NR3C2: variants seen among roughly 807,000 people sequenced by gnomAD.
NR3C2 encodes mineralocorticoid receptor.
In NR3C2, 15 loss-of-function variants were observed where a neutral mutation model predicts 86.4. The ratio of observed to expected loss-of-function variants is 0.17; its 90% confidence interval spans 0.12 to 0.27. The LOEUF is 0.27. NR3C2 is among the 10% of genes least tolerant of loss of function. The pLI, the probability that NR3C2 is intolerant of heterozygous loss-of-function variation, is 1.00. For missense variants in NR3C2, 960 were observed against 1,195.6 expected (o/e 0.80, Z 2.91); for synonymous variants, 458 against 450.5 (o/e 1.02, Z -0.21).
Position 148,080,856 on chromosome 4 carries a change from T to G in NR3C2, c.*488A>C. On this transcript the variant is annotated 3_prime_UTR_variant, in exon 9 of 9. Coordinates refer to ENST00000358102, the MANE Select transcript of NR3C2 (RefSeq NM_000901.5). ...GAGTTCTGTTATTACACAACAGGAA[T>G]CTGTATATATTTTTTTATTATTTTT... 1 of 349,414 alleles carries G rather than the reference T, an allele frequency of 2.9e-6. No individual in the cohort carries two copies. 21.6% of individuals were successfully genotyped at this position (349,414 alleles called of 1,614,324 possible). A position where few individuals can be genotyped will look rare whatever the true frequency, so the allele number is the denominator to read the frequency against.
At chr4:148,328,009 C>G (rs1744050653) in intron 2 of NR3C2, among the ~76,000 whole-genome samples, 1 of 152,062 alleles carries the variant, frequency 6.6e-6, no homozygotes. Context: ...TAATACTATG[C>G]CCCAGCTTGT....
intron 2 of NR3C2, among the ~76,000 whole-genome samples, 178 bp from the exon 3 acceptor site, chr4:148,260,295 A>G (rs1740032770): frequency 2.6e-5 from 4 of 152,236 alleles, no homozygotes; most frequent in African/African-American, 7.2e-5. Context: ...GAGCAATGCT[A>G]TCAAGGTTAT....
intron 2 of NR3C2, among the ~76,000 whole-genome samples, chr4:148,277,968 T>C (rs1444536426): frequency 6.6e-6 from 1 of 152,246 alleles, no homozygotes; most frequent in Non-Finnish European, 1.5e-5. Flanking sequence ...ACAACATGTA[T>C]TCTCCAAAAG....
At chr4:148,112,490 T>C in intron 8 of NR3C2, among the ~76,000 whole-genome samples, 1 of 152,220 alleles carries the variant, frequency 6.6e-6, no homozygotes, top group Non-Finnish European at 1.5e-5. Flanking sequence ...TGGGAAGACT[T>C]TGCTCCAGTT....
chr4:148,395,100 G>GA (rs376863582), intron 2 of NR3C2, among the ~76,000 whole-genome samples: 4 of 150,062 alleles, frequency 2.7e-5, no homozygotes, highest in Non-Finnish European at 5.9e-5. Flanking sequence ...AGTAACAGTA[G>GA]AAAAAAAAAT....
At chr4:148,171,192 GA>G (rs1462281206) in intron 4 of NR3C2, among the ~76,000 whole-genome samples, 3 of 152,166 alleles carry the variant, frequency 2.0e-5, no homozygotes, top group Non-Finnish European at 4.4e-5. Context: ...ACACCACCTG[GA>G]GGTAAAAAGG....
In NR3C2 at chr4:148,132,746, T is replaced by C. The variant is rs575686829; in HGVS notation, c.2511-12458A>G. ...CCTCACTGAAAACAGCATTCTAGGA[T>C]TTGAATCCAGGCTGTCTGGTCTCAG... On this transcript the variant is annotated intron_variant, in intron 6 of 8. Transcript: ENST00000358102. Among the ~76,000 whole-genome samples the C allele has an allele frequency of 2.0e-5, 3 of 152,336 alleles. No homozygotes were observed. In the South Asian group the frequency reaches 6.2e-4, roughly 32 times the overall value.
chr4:148,219,778 T>A lies in NR3C2; in HGVS notation c.1898-24916A>T, dbSNP rs190365381. Among the ~76,000 whole-genome samples the A allele has an allele frequency of 3.2e-3, 490 of 152,338 alleles. 3 individuals carry two copies. Among genetic ancestry groups the A allele is most frequent in the Admixed American group, 5.2e-3 (79 of 15,296 alleles). On this transcript the variant is annotated intron_variant, in intron 3 of 8. Transcript: ENST00000358102. ...TTTCTCATTATTTTAAAAATTTTAT[T>A]TCAGAAAATATACGTTAATATGCGA...
intron 2 of NR3C2, among the ~76,000 whole-genome samples, chr4:148,283,338 C>T (rs957947270): frequency 6.6e-5 from 10 of 152,068 alleles, no homozygotes; most frequent in African/African-American, 2.2e-4. Context: ...CAAAGGATCA[C>T]TAAACTTTTA....
At chr4:148,242,462 G>C (rs1282920865) in intron 3 of NR3C2, among the ~76,000 whole-genome samples, 4 of 152,162 alleles carry the variant, frequency 2.6e-5, no homozygotes, top group Non-Finnish European at 5.9e-5. Flanking sequence ...AGCATCTTCT[G>C]AGCAGCACTC....
intron 6 of NR3C2, among the ~76,000 whole-genome samples, chr4:148,150,612 C>T (rs1734060734): frequency 6.6e-6 from 1 of 152,156 alleles, no homozygotes; most frequent in Non-Finnish European, 1.5e-5. Context: ...AGAGCTGAAA[C>T]AAGATGGCGG....
At position 148,436,087 on chromosome 4, in the gene NR3C2, G is replaced by A; in HGVS notation, c.774C>T (p.Gly258=). 1 of 1,614,054 alleles carries A rather than the reference G, an allele frequency of 6.2e-7. No homozygotes were observed. The part of the protein sequence containing the change: ...SHSPAHASNV[G]SPLSSPLSSM... The stretch of plus-strand genomic sequence containing the variant: ...TACTTAACGGACTTGAGAGAGGAGA[G>A]CCCACATTGCTAGCATGTGCAGGGC... Residue 258 remains glycine (G), a synonymous_variant, in exon 2 of 9, where the codon GGC becomes GGT. Coordinates refer to ENST00000358102, the MANE Select transcript of NR3C2 (RefSeq NM_000901.5).
intron 2 of NR3C2, among the ~76,000 whole-genome samples, chr4:148,347,534 C>A (rs1745054405): frequency 1.3e-5 from 2 of 151,978 alleles, no homozygotes; most frequent in Non-Finnish European, 2.9e-5. Context: ...TATTAATTTC[C>A]CCATAATTCT....
chr4:148,155,005 T>C (rs1463214002), intron 4 of NR3C2, 104 bp from the exon 5 acceptor site: 11 of 909,604 alleles, frequency 1.2e-5, no homozygotes, highest in Non-Finnish European at 1.9e-5. Flanking sequence ...TCTTGTTATG[T>C]CAATAGGAAC....
chr4:148,391,933 A>C (rs1478777375), intron 2 of NR3C2, among the ~76,000 whole-genome samples: 1 of 151,478 alleles, frequency 6.6e-6, no homozygotes. Flanking sequence ...TTATACAATA[A>C]ATCATTACAA....
chr4:148,166,286 T>C (rs1038943117), intron 4 of NR3C2, among the ~76,000 whole-genome samples: 2 of 152,218 alleles, frequency 1.3e-5, no homozygotes, highest in Non-Finnish European at 2.9e-5. Context: ...AGGGTTGGTA[T>C]TGCAGCATCT....
At chr4:148,401,247 C>A (rs1040831216) in intron 2 of NR3C2, among the ~76,000 whole-genome samples, 1 of 152,146 alleles carries the variant, frequency 6.6e-6, no homozygotes, top group Non-Finnish European at 1.5e-5. Context: ...TCACATGGTG[C>A]TTACCATCTG....
In NR3C2 at chr4:148,435,524, G is replaced by T. The variant is rs1750006167; in HGVS notation, c.1337C>A (p.Thr446Lys). Reference sequence around the variant, plus strand: ...ATCCATAAATGGAAACGGGTTTACTGTTGGATTCCCTTTAAAAGAGGTGCC... The same window carrying T: ...ATCCATAAATGGAAACGGGTTTACTTTTGGATTCCCTTTAAAAGAGGTGCC... ...CSGTSFKGNP[T>K]VNPFPFMDGS... The change falls in exon 2 of 9, where the codon ACA becomes AAA. Residue 446 changes from threonine (T) to lysine (K), a missense_variant. Physicochemically the swap from Thr to Lys is moderately conservative, Grantham distance 78 (BLOSUM62 -1). Around this residue, in one of 4 missense-constraint regions of NR3C2, gnomAD observed 680 missense variants for 719.0 expected, o/e 0.95. Coordinates refer to ENST00000358102, the MANE Select transcript of NR3C2 (RefSeq NM_000901.5). 6.2e-7 allele frequency: 1 copy of T among 1,613,998 alleles called. No homozygotes were observed. The highest frequency in any genetic ancestry group is 1.3e-5 in the African/African-American group (1 of 74,932).
chr4:148,179,181 G>A (rs898623244), intron 4 of NR3C2, among the ~76,000 whole-genome samples: 5 of 151,628 alleles, frequency 3.3e-5, no homozygotes, highest in African/African-American at 1.2e-4. Context: ...ATCAGTGAGT[G>A]TGTGAAACTG....
Sources: allele counts gnomAD v4.1 joint callset (sites outside exome capture counted in the v4.1 genomes callset), GRCh38; gene constraint gnomAD v4.1.1; regional missense constraint gnomAD v4.1.1; transcripts MANE v1.5; gene names NCBI Gene and HGNC (gene_info 2026-07-23, HGNC 2026-07-21).